The following SMC1B variants were observed in gnomAD, a reference collection of about 807,000 sequenced individuals.
The protein encoded by SMC1B is structural maintenance of chromosomes protein 1B.
A neutral mutation model predicts 157.9 loss-of-function variants in SMC1B; 60 were observed. The observed-to-expected ratio is 0.38, with a 90% CI of 0.31 to 0.47. The LOEUF (loss-of-function observed/expected upper bound fraction) is 0.47. Among genes scored for constraint, SMC1B ranks in the 20% least tolerant of loss-of-function variants. The pLI is 0.99. For missense variants in SMC1B, 1,165 were observed against 1,426.2 expected (o/e 0.82, Z 2.95); for synonymous variants, 445 against 483.0 (o/e 0.92, Z 1.03).
At chr22:45,387,072 T>C (rs1003646164) in intron 10 of SMC1B, 26 bp from the exon 11 acceptor site, 1 of 1,553,464 alleles carries the variant, frequency 6.4e-7, no homozygotes, top group African/African-American at 1.4e-5. Context: ...ATATTTAACA[T>C]GTTACATACA....
intron 4 of SMC1B, 53 bp from the exon 5 acceptor site, chr22:45,402,624 C>T (rs2087210429): frequency 7.7e-7 from 1 of 1,305,180 alleles, no homozygotes; most frequent in Non-Finnish European, 1.1e-6. Context: ...TTTAAGTTGG[C>T]CTTTCATAAA....
rs144133579 is a variant in SMC1B at position 45,397,477 on chromosome 22, C to T, written c.1114-991G>A. ...CAGCAGGAGACAGACAAATCCTAGA[C>T]AGACAGGGGTGGGTCCCCAGTGAAA... is the stretch of plus-strand genomic sequence containing the variant. On this transcript the variant is annotated intron_variant, in intron 6 of 24. Transcript: ENST00000357450. Among the ~76,000 whole-genome samples, 858 of 152,322 alleles carry T rather than the reference C, an allele frequency of 5.6e-3. 5 individuals carry two copies. The highest frequency in any genetic ancestry group is 7.5e-3 in the Non-Finnish European group (509 of 68,032).
rs752582300 is a variant in SMC1B, at chr22:45,408,859, C to G, written c.149G>C (p.Gly50Ala). The G allele has an allele frequency of 1.3e-6, 2 of 1,556,236 alleles. No individual in the cohort carries two copies. Among genetic ancestry groups the G allele is most frequent in the Admixed American group, 4.4e-5 (2 of 45,700 alleles). The part of the protein sequence containing the change: ...NVMDALSFVM[G>A]EKIANLRVKN... ...CACTCTTAAATTAGCTATTTTCTCT[C>G]CCATTACAAAACTAAGTGCATCCAT... Residue 50 changes from glycine (G) to alanine (A), a missense_variant, in exon 2 of 25, where the codon GGA (glycine) becomes GCA (alanine). Gly to Ala is a moderately conservative substitution (Grantham distance 60, BLOSUM62 0). Transcript: ENST00000357450.
chr22:45,396,332 A>G lies in SMC1B; in HGVS notation c.1254+14T>C. The G allele has an allele frequency of 1.3e-6, 2 of 1,599,042 alleles. No homozygotes were observed. Among genetic ancestry groups the G allele is most frequent in the Non-Finnish European group, 1.7e-6 (2 of 1,173,910 alleles). On this transcript the variant is annotated intron_variant, in intron 7 of 24. Transcript: ENST00000357450. ...AAGAATGATTCTAAATCATTACTGT[A>G]CAACCCAAGACACCTGAACTTCTCC... is the stretch of plus-strand genomic sequence containing the variant.
At chr22:45,395,540 G>C (rs531957850) in intron 7 of SMC1B, among the ~76,000 whole-genome samples, 3 of 152,018 alleles carry the variant, frequency 2.0e-5, no homozygotes, top group Admixed American at 1.3e-4. Context: ...ATTTTTATGC[G>C]ATCTGACAAA....
chr22:45,344,399 A>G lies in SMC1B; in HGVS notation c.*157T>C. 1 of 533,856 alleles carries G rather than the reference A, an allele frequency of 1.9e-6. No individual in the cohort carries two copies. The highest frequency in any genetic ancestry group is 2.9e-5 in the East Asian group (1 of 34,828). The allele number at this position is 533,856 out of a possible 1,614,324, so 33.1% of individuals were successfully genotyped here. A position where few individuals can be genotyped will look rare whatever the true frequency, so the allele number is the denominator to read the frequency against. On this transcript the variant is annotated 3_prime_UTR_variant, in exon 25 of 25. Transcript: ENST00000357450. ...TAGAATGAGGTCTGAACACTCAACTAAAGTGAGCCACAGCCTCTTTGGCTA... is the reference window on the plus strand; with the variant it reads ...TAGAATGAGGTCTGAACACTCAACTGAAGTGAGCCACAGCCTCTTTGGCTA...
At chr22:45,384,714 C>T (rs1333339723) in intron 11 of SMC1B, among the ~76,000 whole-genome samples, 3 of 147,016 alleles carry the variant, frequency 2.0e-5, no homozygotes, top group Non-Finnish European at 4.5e-5. Context: ...AGCAAGACTC[C>T]ATTTCAAAAA....
chr22:45,404,123 G>C (rs138321884), intron 4 of SMC1B, among the ~76,000 whole-genome samples: 15,496 of 152,148 alleles, frequency 0.1, 1,063 homozygotes, highest in African/African-American at 0.17. Flanking sequence ...TGTATTTTTA[G>C]TAAAGACAGG....
chr22:45,394,794 C>T, intron 7 of SMC1B, 27 bp from the exon 8 acceptor site: 1 of 1,484,922 alleles, frequency 6.7e-7, no homozygotes, highest in Non-Finnish European at 9.0e-7. Context: ...AATCTAAAAT[C>T]AATTACGGCA....
intron 4 of SMC1B, among the ~76,000 whole-genome samples, chr22:45,404,849 C>T (rs977591009): frequency 1.3e-5 from 2 of 152,198 alleles, no homozygotes; most frequent in Non-Finnish European, 2.9e-5. Flanking sequence ...TGTCACAGGC[C>T]ATGGTCACTC....
At chr22:45,360,069 GAGTGCTGTA>G (rs1315765361) in intron 17 of SMC1B, 111 bp from the exon 18 acceptor site, 2 of 787,686 alleles carry the variant, frequency 2.5e-6, no homozygotes, top group Non-Finnish European at 4.0e-6. Flanking sequence ...TTATTCCTGT[GAGTGCTGTA>G]AGTTCTAGAA....
rs2086624506 is a variant in SMC1B, at chr22:45,352,435, G to C, written c.3425+16C>G. ...TCTGCCCTGATATGAAAACTGAATA[G>C]CTTTTGTGACCTTACCTGTGCACAG... On this transcript the variant is annotated intron_variant, in intron 22 of 24. Transcript: ENST00000357450. 2 of 1,605,914 alleles carry C rather than the reference G, an allele frequency of 1.2e-6. No individual in the cohort carries two copies. The highest frequency in any genetic ancestry group is 2.7e-5 in the African/African-American group (2 of 74,690).
At chr22:45,371,883 C>A (rs188806032) in intron 13 of SMC1B, among the ~76,000 whole-genome samples, 1 of 151,918 alleles carries the variant, frequency 6.6e-6, no homozygotes, top group Non-Finnish European at 1.5e-5. Flanking sequence ...ATGGTGAAAC[C>A]GCATGTCTAC....
intron 4 of SMC1B, 86 bp from the exon 5 acceptor site, chr22:45,402,657 T>A: frequency 1.2e-6 from 1 of 860,534 alleles, no homozygotes; most frequent in Non-Finnish European, 1.9e-6. Flanking sequence ...ACCAACAAAT[T>A]AACTAATGAA....
At chr22:45,361,563 G>A (rs1056264394) in intron 17 of SMC1B, among the ~76,000 whole-genome samples, 1 of 152,162 alleles carries the variant, frequency 6.6e-6, no homozygotes, top group South Asian at 2.1e-4. Context: ...GGGAAGCAAA[G>A]GTTGCAGTAA....
At chr22:45,408,997 C>G in intron 1 of SMC1B, 99 bp from the exon 2 acceptor site, 1 of 655,482 alleles carries the variant, frequency 1.5e-6, no homozygotes, top group Non-Finnish European at 2.6e-6. Context: ...GAAATATAGC[C>G]AAAAGACATG....
Position 45,355,259 on chromosome 22 carries a change from G to A in SMC1B, c.2962-144C>T, listed in dbSNP as rs2086658633. The stretch of plus-strand genomic sequence containing the variant: ...CCCAAAGCCCTCTCTGAGCCTGGAG[G>A]TGCAGTCCTGCTGCAATATTTGTAG... On this transcript the variant is annotated intron_variant, in intron 19 of 24. Coordinates refer to ENST00000357450, the MANE Select transcript of SMC1B (RefSeq NM_148674.5). 4 of 732,168 alleles carry A rather than the reference G, an allele frequency of 5.5e-6. No individual in the cohort carries two copies. In the Admixed American group the frequency reaches 7.4e-5, roughly 13 times the overall value. The allele number at this position is 732,168 out of a possible 1,614,324, so 45.4% of individuals were successfully genotyped here.
chr22:45,386,188 G>T lies in SMC1B; in HGVS notation c.1911+679C>A, dbSNP rs544387618. Among the ~76,000 whole-genome samples the T allele has an allele frequency of 1.1e-4, 16 of 151,824 alleles. No homozygotes were observed. In the South Asian group the frequency reaches 3.1e-3, roughly 30 times the overall value. On this transcript the variant is annotated intron_variant, in intron 11 of 24. Coordinates refer to ENST00000357450, the MANE Select transcript of SMC1B (RefSeq NM_148674.5). ...TAATTAGTTACTAAGTAGCATCACT[G>T]GTCTTACTTTATAGCTTATACCCTT... is the stretch of plus-strand genomic sequence containing the variant.
At chr22:45,406,375 G>T in intron 4 of SMC1B, 85 bp downstream of exon 4, 2 of 1,068,726 alleles carry the variant, frequency 1.9e-6, no homozygotes, top group Non-Finnish European at 2.7e-6. Flanking sequence ...TAATCTTCTT[G>T]GTAAGCCCAA....
Sources: allele counts gnomAD v4.1 joint callset (sites outside exome capture counted in the v4.1 genomes callset), GRCh38; gene constraint gnomAD v4.1.1; transcripts MANE v1.5; gene names NCBI Gene and HGNC (gene_info 2026-07-23, HGNC 2026-07-21).